BACH2: variants seen among roughly 807,000 people sequenced by gnomAD.
BACH2 encodes transcription regulator protein BACH2.
BACH2 carries 5 observed loss-of-function variants against 61.8 expected under a neutral mutation model. That is an observed-to-expected ratio of 0.08 (90% CI 0.04 to 0.17). The LOEUF is 0.17. Ranked by LOEUF, BACH2 falls within the 10% of genes least tolerant of loss-of-function variation. BACH2 has a pLI of 1.00. For synonymous variants in BACH2, 446 were observed against 440.1 expected, an observed-to-expected ratio of 1.01 and a Z score of -0.17; for missense variants, 824 against 1,091.1, an observed-to-expected ratio of 0.76 and a Z score of 3.45.
chr6:89,930,275 A>G lies in BACH2; in HGVS notation c.*2133T>C, dbSNP rs952761332. The G allele has an allele frequency of 7.0e-6, 1 of 143,226 alleles. No homozygotes were observed. Among genetic ancestry groups the G allele is most frequent in the Non-Finnish European group, 1.5e-5 (1 of 66,430 alleles). The allele number at this position is 143,226 out of a possible 1,614,324, so 8.9% of individuals were successfully genotyped here. A position where few individuals can be genotyped will look rare whatever the true frequency, so the allele number is the denominator to read the frequency against. ...TTTTTATCCTACTGCATGAACTGAC[A>G]AATTTCTGGCATTCATACATATTTA... is the stretch of plus-strand genomic sequence containing the variant. On this transcript the variant is annotated 3_prime_UTR_variant, in exon 9 of 9. Coordinates refer to ENST00000257749, the MANE Select transcript of BACH2 (RefSeq NM_021813.4).
chr6:90,208,905 G>C (rs1284777527), intron 3 of BACH2, among the ~76,000 whole-genome samples: 1 of 152,118 alleles, frequency 6.6e-6, no homozygotes, highest in Non-Finnish European at 1.5e-5. Context: ...CCTTTGCAGG[G>C]ATATGGAGGA....
At chr6:90,065,094 A>G (rs2127799836) in intron 5 of BACH2, among the ~76,000 whole-genome samples, 1 of 151,828 alleles carries the variant, frequency 6.6e-6, no homozygotes, top group South Asian at 2.1e-4. Flanking sequence ...TACCAAAGGC[A>G]TAACAGAAAA....
intron 3 of BACH2, among the ~76,000 whole-genome samples, chr6:90,215,116 T>G (rs1007081268): frequency 6.6e-6 from 1 of 152,178 alleles, no homozygotes; most frequent in African/African-American, 2.4e-5. Context: ...GGGAGTACCA[T>G]GTCCCAGGTT....
At chr6:90,230,964 G>C (rs1770077376) in intron 3 of BACH2, among the ~76,000 whole-genome samples, 1 of 152,154 alleles carries the variant, frequency 6.6e-6, no homozygotes, top group African/African-American at 2.4e-5. Flanking sequence ...TGCTGTCCTT[G>C]TGGTCAAGGC....
intron 4 of BACH2, among the ~76,000 whole-genome samples, chr6:90,102,791 A>AAATAATAATAATAAT (rs372366852): frequency 1.7e-4 from 19 of 113,682 alleles, no homozygotes; most frequent in Non-Finnish European, 2.3e-4. Context: ...ACTCCATTTC[A>AAATAATAATAATAAT]AATAATAATA....
chr6:90,150,668 T>C (rs1232132611), intron 4 of BACH2, among the ~76,000 whole-genome samples: 2 of 152,036 alleles, frequency 1.3e-5, no homozygotes, highest in Non-Finnish European at 1.5e-5. Context: ...GAGTGCAGCA[T>C]AGTTCCGAGA....
At chr6:90,228,285 G>A (rs901011154) in intron 3 of BACH2, among the ~76,000 whole-genome samples, 3 of 152,162 alleles carry the variant, frequency 2.0e-5, no homozygotes, top group Admixed American at 6.5e-5. Context: ...GCTATCAGCC[G>A]TTAAACACTA....
At chr6:90,243,454 G>A (rs1315876494) in intron 3 of BACH2, among the ~76,000 whole-genome samples, 1 of 152,160 alleles carries the variant, frequency 6.6e-6, no homozygotes, top group Non-Finnish European at 1.5e-5. Context: ...GGGACTGTTA[G>A]GCTGGTTTTT....
chr6:89,969,781 A>G (rs1479369159), intron 6 of BACH2, among the ~76,000 whole-genome samples: 1 of 152,202 alleles, frequency 6.6e-6, no homozygotes, highest in Non-Finnish European at 1.5e-5. Flanking sequence ...CAGTGCTCGG[A>G]AAACCATGGA....
At chr6:90,159,276 C>T (rs761891734) in intron 4 of BACH2, among the ~76,000 whole-genome samples, 8 of 151,898 alleles carry the variant, frequency 5.3e-5, no homozygotes, top group Non-Finnish European at 1.0e-4. Context: ...GCCAACAGAA[C>T]AATTAACACA....
chr6:90,236,669 G>A (rs1770269092), intron 3 of BACH2, among the ~76,000 whole-genome samples: 1 of 152,116 alleles, frequency 6.6e-6, no homozygotes, highest in African/African-American at 2.4e-5. Flanking sequence ...AAGAGAAATG[G>A]TAAAGCCTGA....
intron 4 of BACH2, among the ~76,000 whole-genome samples, chr6:90,103,939 T>G (rs1240906572): frequency 6.6e-6 from 1 of 152,186 alleles, no homozygotes; most frequent in African/African-American, 2.4e-5. Flanking sequence ...CATGAATTAT[T>G]GTTCACTTTT....
At chr6:90,296,179 A>G (rs1582578651) in intron 1 of BACH2, among the ~76,000 whole-genome samples, 2 of 152,000 alleles carry the variant, frequency 1.3e-5, no homozygotes, top group African/African-American at 4.8e-5. Context: ...TGCTGTTCCA[A>G]AACACCCTTC....
rs115626341 is a variant in BACH2 at position 90,018,873 on chromosome 6, A to G, written c.-12-10017T>C. Among the ~76,000 whole-genome samples the G allele has an allele frequency of 6.2e-3, 938 of 152,308 alleles. 12 individuals are homozygous for G. Among genetic ancestry groups the G allele is most frequent in the African/African-American group, 0.02 (841 of 41,556 alleles). On this transcript the variant is annotated intron_variant, in intron 5 of 8. Coordinates refer to ENST00000257749, the MANE Select transcript of BACH2 (RefSeq NM_021813.4). ...TAAGCCACGGGGTAAGATCGAGTTC[A>G]CCTGGCTTCTGTCAATGACTAGGAA... is the stretch of plus-strand genomic sequence containing the variant.
At chr6:90,094,188 G>C (rs921580531) in intron 4 of BACH2, among the ~76,000 whole-genome samples, 1 of 152,186 alleles carries the variant, frequency 6.6e-6, no homozygotes, top group Non-Finnish European at 1.5e-5. Flanking sequence ...AGCTGCAAAT[G>C]GTGGGCAAGG....
chr6:89,961,042 A>C (rs1470267623), intron 6 of BACH2, among the ~76,000 whole-genome samples: 1 of 152,192 alleles, frequency 6.6e-6, no homozygotes, highest in Middle Eastern at 3.2e-3. Flanking sequence ...GGTTTTGCCC[A>C]TCTCATCTCA....
chr6:90,002,423 C>T (rs1035755948), intron 6 of BACH2, among the ~76,000 whole-genome samples: 9 of 152,182 alleles, frequency 5.9e-5, no homozygotes, highest in Non-Finnish European at 1.3e-4. Flanking sequence ...GTAAGTCCAA[C>T]TGCATACTAG....
At chr6:90,188,635 T>C (rs1402949228) in intron 4 of BACH2, among the ~76,000 whole-genome samples, 2 of 151,852 alleles carry the variant, frequency 1.3e-5, no homozygotes, top group African/African-American at 4.8e-5. Context: ...CTTATTCTAG[T>C]AAACTGAATA....
chr6:90,131,303 T>C (rs569750997), intron 4 of BACH2, among the ~76,000 whole-genome samples: 2 of 152,326 alleles, frequency 1.3e-5, no homozygotes, highest in African/African-American at 4.8e-5. Flanking sequence ...TGAATCAGAG[T>C]AGGAGGCATC....
Sources: gnomAD v4.1 joint callset for allele counts (sites outside exome capture counted in the v4.1 genomes callset) on GRCh38, gnomAD v4.1.1 for gene constraint, MANE v1.5 for transcripts, NCBI Gene and HGNC (gene_info 2026-07-23, HGNC 2026-07-21) for gene names.